WWOX: variants seen among roughly 807,000 people sequenced by gnomAD.
WWOX encodes WW domain containing oxidoreductase.
WWOX carries 69 observed loss-of-function variants against 46.2 expected under a neutral mutation model. The observed-to-expected ratio is 1.49, with a 90% CI of 1.23 to 1.82. WWOX has a LOEUF of 1.82. WWOX is among the 40% of genes most tolerant of loss of function. The probability of loss-of-function intolerance (pLI) is 0.00; values close to 1 mark genes in which losing one functional copy is unlikely to be tolerated. For missense variants in WWOX, 919 were observed against 542.6 expected (o/e 1.69, Z -6.89); for synonymous variants, 359 against 202.6 (o/e 1.77, Z -6.56).
At chr16:78,313,583 C>G (rs1366004699) in intron 5 of WWOX, among the ~76,000 whole-genome samples, 3 of 152,264 alleles carry the variant, frequency 2.0e-5, no homozygotes, top group African/African-American at 7.2e-5. Flanking sequence ...TCAGGCTGGC[C>G]TCAAACTCCT....
At chr16:78,419,411 A>G (rs2082871569) in intron 6 of WWOX, among the ~76,000 whole-genome samples, 1 of 152,106 alleles carries the variant, frequency 6.6e-6, no homozygotes, top group South Asian at 2.1e-4. Context: ...AGTAATAAAG[A>G]CAGTGTCATA....
chr16:78,116,334 G>A (rs922495261), intron 4 of WWOX, among the ~76,000 whole-genome samples: 1 of 152,082 alleles, frequency 6.6e-6, no homozygotes, highest in African/African-American at 2.4e-5. Flanking sequence ...ATATTTTCTA[G>A]CATGATTAGG....
intron 5 of WWOX, among the ~76,000 whole-genome samples, chr16:78,189,831 G>A (rs2035826262): frequency 6.6e-6 from 1 of 151,882 alleles, no homozygotes; most frequent in Admixed American, 6.6e-5. Flanking sequence ...ATTTTTGTAT[G>A]TTTAGTAGAG....
At chr16:78,386,659 A>G (rs942761992) in intron 5 of WWOX, among the ~76,000 whole-genome samples, 1 of 96,432 alleles carries the variant, frequency 1.0e-5, no homozygotes, top group Non-Finnish European at 1.9e-5. Flanking sequence ...TAGGTTTAGC[A>G]GAATCCCAGC....
intron 8 of WWOX, among the ~76,000 whole-genome samples, chr16:78,831,919 C>T (rs1028837648): frequency 1.3e-5 from 2 of 152,274 alleles, no homozygotes; most frequent in Non-Finnish European, 2.9e-5. Flanking sequence ...CTCAAATACC[C>T]TTCCTCTTTC....
chr16:78,229,520 A>C (rs906198497), intron 5 of WWOX, among the ~76,000 whole-genome samples: 2 of 148,254 alleles, frequency 1.3e-5, no homozygotes, highest in African/African-American at 4.9e-5. Context: ...ATAGAGATAT[A>C]TATATATATA....
At position 78,191,347 on chromosome 16, in the gene WWOX, CT is replaced by C. The variant is rs541700414; in HGVS notation, c.516+27060del. ...GAGCTACTAAGTTGGAGCAACAAGG[CT>C]TGGGAATTTTTCTTTGATCATAGGT... On this transcript the variant is annotated intron_variant, in intron 5 of 8. Transcript: ENST00000566780. Among the ~76,000 whole-genome samples, 8 of 152,252 alleles carry C rather than the reference CT, an allele frequency of 5.3e-5. No homozygotes were observed. The East Asian group carries it at 1.5e-3, about 29-fold the overall frequency.
chr16:78,567,812 G>T (rs576064516), intron 8 of WWOX, among the ~76,000 whole-genome samples: 1 of 152,194 alleles, frequency 6.6e-6, no homozygotes, highest in African/African-American at 2.4e-5. Context: ...TCCAGCCGGG[G>T]TGGTCTCGAG....
intron 8 of WWOX, among the ~76,000 whole-genome samples, chr16:78,712,956 C>T (rs1208055113): frequency 6.6e-6 from 1 of 151,964 alleles, no homozygotes; most frequent in Non-Finnish European, 1.5e-5. Flanking sequence ...AGGCAGGCTG[C>T]CAAGAATAGC....
chr16:78,785,635 T>C (rs2142570983), intron 8 of WWOX, among the ~76,000 whole-genome samples: 1 of 152,388 alleles, frequency 6.6e-6, no homozygotes, highest in Admixed American at 6.5e-5. Context: ...TTCTGATTTT[T>C]GCTGCGCTAT....
chr16:78,220,819 C>G (rs1364159221), intron 5 of WWOX, among the ~76,000 whole-genome samples: 1 of 152,144 alleles, frequency 6.6e-6, no homozygotes, highest in African/African-American at 2.4e-5. Flanking sequence ...GGAGGTTGTT[C>G]TACAGAGAAA....
chr16:78,849,863 G>A (rs1308924726), intron 8 of WWOX, among the ~76,000 whole-genome samples: 3 of 152,184 alleles, frequency 2.0e-5, no homozygotes, highest in Admixed American at 2.0e-4. Flanking sequence ...ACCTAAGGTT[G>A]GGAGTTCGCG....
chr16:78,911,742 T>A (rs747934016), intron 8 of WWOX, among the ~76,000 whole-genome samples: 10 of 152,038 alleles, frequency 6.6e-5, no homozygotes, highest in Non-Finnish European at 1.3e-4. Context: ...GGTGCGTACC[T>A]GTAATCTCAG....
rs16948043 is a variant in WWOX, at chr16:78,542,447, T to C, written c.1056+109695T>C. ...CCTAGTCCCCCAGTTTGCGTTTGAA[T>C]TTGGTCCCAGATTTTTTTTGTTTTT... On this transcript the variant is annotated intron_variant, in intron 8 of 8. Transcript: ENST00000566780. Among the ~76,000 whole-genome samples the C allele has an allele frequency of 9.2e-3, 1,398 of 152,238 alleles. 28 individuals carry two copies. The highest frequency in any genetic ancestry group is 0.032 in the African/African-American group (1,332 of 41,536).
At chr16:78,335,908 A>C (rs552341849) in intron 5 of WWOX, among the ~76,000 whole-genome samples, 1 of 152,136 alleles carries the variant, frequency 6.6e-6, no homozygotes, top group African/African-American at 2.4e-5. Context: ...CCTTGCCAAC[A>C]TGGTGAAACT....
At chr16:78,753,191 T>G (rs994731766) in intron 8 of WWOX, among the ~76,000 whole-genome samples, 4 of 151,970 alleles carry the variant, frequency 2.6e-5, no homozygotes, top group African/African-American at 9.7e-5. Flanking sequence ...TCCCAGCTAC[T>G]CTGGAGGCTG....
chr16:78,539,217 C>G (rs531824721), intron 8 of WWOX, among the ~76,000 whole-genome samples: 36 of 152,308 alleles, frequency 2.4e-4, no homozygotes, highest in African/African-American at 8.2e-4. Context: ...ATGTGTTCAA[C>G]TGAACTATGG....
chr16:78,584,297 T>C (rs1196897399), intron 8 of WWOX, among the ~76,000 whole-genome samples: 2 of 152,336 alleles, frequency 1.3e-5, no homozygotes, highest in Middle Eastern at 3.4e-3. Context: ...CATGGAGTCA[T>C]GAGTCAAAGA....
intron 5 of WWOX, among the ~76,000 whole-genome samples, chr16:78,212,132 T>A (rs1304641653): frequency 6.6e-6 from 1 of 152,176 alleles, no homozygotes; most frequent in Non-Finnish European, 1.5e-5. Flanking sequence ...CCAGCCTCAT[T>A]CCAGAGGCTA....
Sources: allele counts gnomAD v4.1 joint callset (sites outside exome capture counted in the v4.1 genomes callset), GRCh38; gene constraint gnomAD v4.1.1; transcripts MANE v1.5; gene names NCBI Gene and HGNC (gene_info 2026-07-23, HGNC 2026-07-21).